The following KMO variants were observed in gnomAD, a reference collection of about 807,000 sequenced individuals.
KMO encodes the protein kynurenine 3-hydroxylase.
A neutral mutation model predicts 57.8 loss-of-function variants in KMO; 24 were observed. That is an observed-to-expected ratio of 0.42 (90% confidence interval 0.30 to 0.58). The LOEUF (loss-of-function observed/expected upper bound fraction) is 0.58, where lower values mean the gene tolerates loss of function less well. KMO is among the 20% of genes least tolerant of loss of function. The probability of loss-of-function intolerance (pLI) is 0.22; values close to 1 mark genes in which losing one functional copy is unlikely to be tolerated. For missense variants in KMO, 483 were observed against 588.2 expected (o/e 0.82, Z 1.85); for synonymous variants, 210 against 193.6 (o/e 1.08, Z -0.70).
At chr1:241,557,144 A>G (rs764228304) in intron 5 of KMO, among the ~76,000 whole-genome samples, 5 of 152,220 alleles carry the variant, frequency 3.3e-5, no homozygotes, top group Admixed American at 6.5e-5. Context: ...AGAACCCTGA[A>G]GTTGTGAATT....
chr1:241,532,805 T>A (rs1240832209), intron 1 of KMO, among the ~76,000 whole-genome samples: 1 of 152,208 alleles, frequency 6.6e-6, no homozygotes, highest in Non-Finnish European at 1.5e-5. Context: ...TGAATTTGAT[T>A]TTATCCCCAA....
chr1:241,565,718 T>A (rs759202587), intron 8 of KMO, among the ~76,000 whole-genome samples: 2 of 151,788 alleles, frequency 1.3e-5, no homozygotes, highest in Non-Finnish European at 1.5e-5. Flanking sequence ...AGCAAGACCC[T>A]GTTTCAAAAA....
chr1:241,582,975 C>T (rs892534265), intron 10 of KMO, among the ~76,000 whole-genome samples: 4 of 152,172 alleles, frequency 2.6e-5, no homozygotes, highest in Non-Finnish European at 5.9e-5. Flanking sequence ...TTTATGGTCA[C>T]TGCAGCTGTA....
chr1:241,577,198 T>C (rs1662554555), intron 10 of KMO, among the ~76,000 whole-genome samples: 1 of 152,118 alleles, frequency 6.6e-6, no homozygotes, highest in African/African-American at 2.4e-5. Flanking sequence ...TGTTCTTGAG[T>C]AACTTAATAA....
At chr1:241,588,489 C>G (rs982639502) in intron 11 of KMO, among the ~76,000 whole-genome samples, 4 of 151,948 alleles carry the variant, frequency 2.6e-5, no homozygotes, top group African/African-American at 9.7e-5. Flanking sequence ...AACACACTGT[C>G]AACGCTGGTT....
At chr1:241,561,688 A>C (rs1661845809) in intron 6 of KMO, among the ~76,000 whole-genome samples, 1 of 152,216 alleles carries the variant, frequency 6.6e-6, no homozygotes, top group Non-Finnish European at 1.5e-5. Context: ...CTTTTGCCAG[A>C]ATAATGTTTT....
chr1:241,549,197 AAAAGGAAGAAAGAAAGAAAG>A (rs1661276189), intron 2 of KMO, among the ~76,000 whole-genome samples: 1 of 72,138 alleles, frequency 1.4e-5, no homozygotes, highest in Non-Finnish European at 2.9e-5. Context: ...AGAGAGAAAG[AAAAGGAAGAAAGAAAGAAAG>A]AAAGAAAGAA....
intron 5 of KMO, among the ~76,000 whole-genome samples, chr1:241,557,850 A>G (rs1438852986): frequency 2.0e-5 from 3 of 152,164 alleles, no homozygotes; most frequent in African/African-American, 4.8e-5. Context: ...AAACTCCACA[A>G]AACAGCTTTT....
intron 1 of KMO, among the ~76,000 whole-genome samples, chr1:241,536,155 T>C (rs1243003830): frequency 2.0e-5 from 3 of 152,142 alleles, no homozygotes; most frequent in Non-Finnish European, 2.9e-5. Context: ...ATGTAGTCCT[T>C]TCAATGAGTA....
At chr1:241,572,700 A>T (rs1476570375) in intron 10 of KMO, among the ~76,000 whole-genome samples, 1 of 152,080 alleles carries the variant, frequency 6.6e-6, no homozygotes, top group Non-Finnish European at 1.5e-5. Context: ...TTACATTAAC[A>T]AATTATATAG....
intron 10 of KMO, among the ~76,000 whole-genome samples, chr1:241,582,010 A>G (rs1005381274): frequency 6.6e-5 from 10 of 152,092 alleles, no homozygotes; most frequent in Admixed American, 5.2e-4. Context: ...TTTCTCCTTC[A>G]TGTTTGTAGA....
At chr1:241,558,790 AG>A (rs886430504) in intron 5 of KMO, among the ~76,000 whole-genome samples, 1 of 147,670 alleles carries the variant, frequency 6.8e-6, no homozygotes, top group African/African-American at 2.5e-5. Flanking sequence ...AAAAAAAAAA[AG>A]CAGCAGGTGG....
chr1:241,562,922 GGAA>G (rs1190167606), intron 7 of KMO, among the ~76,000 whole-genome samples: 27 of 49,210 alleles, frequency 5.5e-4, no homozygotes, highest in South Asian at 2.3e-3. Flanking sequence ...AAGGAAAGAA[GGAA>G]GGAAGGAAGG....
At chr1:241,582,071 C>G (rs1409088745) in intron 10 of KMO, among the ~76,000 whole-genome samples, 1 of 152,150 alleles carries the variant, frequency 6.6e-6, no homozygotes, top group Non-Finnish European at 1.5e-5. Flanking sequence ...ATTCCTTTAG[C>G]ACTTTGAATA....
chr1:241,544,020 T>C (rs547153091), intron 1 of KMO, among the ~76,000 whole-genome samples: 1 of 152,318 alleles, frequency 6.6e-6, no homozygotes. Flanking sequence ...GGCTTAGAGC[T>C]GATCCTATTC....
chr1:241,567,807 G>A (rs766053816), intron 9 of KMO, among the ~76,000 whole-genome samples: 1 of 152,178 alleles, frequency 6.6e-6, no homozygotes, highest in East Asian at 1.9e-4. Flanking sequence ...ATTAGACCTT[G>A]TGTACTTTCA....
At position 241,549,260 on chromosome 1, in the gene KMO, A is replaced by AGTAAGTAAGTCG. The variant is rs780673892; in HGVS notation, c.124+363_124+364insTAAGTAAGTCGG. Among the ~76,000 whole-genome samples the AGTAAGTAAGTCG allele has an allele frequency of 1.9e-4, 26 of 139,146 alleles. 2 individuals carry two copies. The highest frequency in any genetic ancestry group is 1.0e-3 in the East Asian group (5 of 4,820). The allele number at this position is 139,146 out of a possible 152,430, so 91.3% of individuals were successfully genotyped here. A position where few individuals can be genotyped will look rare whatever the true frequency, so the allele number is the denominator to read the frequency against. ...AAGAAAGAAAGAAAGAAAGAAAGAAAGAAAGAAAGGAAGGAAGAAAGAAAG... is the reference window on the plus strand; with the variant it reads ...AAGAAAGAAAGAAAGAAAGAAAGAAAGTAAGTAAGTCGGAAAGAAAGGAAGGAAGAAAGAAAG... On this transcript the variant is annotated intron_variant, in intron 2 of 14. Transcript: ENST00000366559.
At chr1:241,585,360 A>G (rs1197264808) in intron 10 of KMO, among the ~76,000 whole-genome samples, 1 of 152,202 alleles carries the variant, frequency 6.6e-6, no homozygotes, top group Non-Finnish European at 1.5e-5. Context: ...CCCATATGGT[A>G]TCTCTCACTT....
Position 241,548,904 on chromosome 1 carries a change from T to C in KMO, c.124+6T>C. 3 of 1,596,948 alleles carry C rather than the reference T, an allele frequency of 1.9e-6. No homozygotes were observed. Among genetic ancestry groups the C allele is most frequent in the Non-Finnish European group, 1.7e-6 (2 of 1,165,186 alleles). ...TGTATATGAAGCTAGGGAAGGTACG[T>C]CCATGGTGAAAAAAGCAGGATGAAC... On this transcript the variant is annotated splice_donor_region_variant and intron_variant, in intron 2 of 14. Transcript: ENST00000366559.
Sources: gnomAD v4.1 joint callset for allele counts (sites outside exome capture counted in the v4.1 genomes callset) on GRCh38, gnomAD v4.1.1 for gene constraint, MANE v1.5 for transcripts, NCBI Gene and HGNC (gene_info 2026-07-23, HGNC 2026-07-21) for gene names.